Variants in TRPM3 observed in about 807,000 individuals in gnomAD.
The protein encoded by TRPM3 is transient receptor potential cation channel subfamily M member 3, also known as long transient receptor potential channel 3.
Under a neutral mutation model 181.2 loss-of-function variants are expected in TRPM3, and 77 were observed. The ratio of observed to expected loss-of-function variants is 0.42; its 90% CI spans 0.35 to 0.51. The LOEUF is 0.51. Ranked by LOEUF, TRPM3 falls within the 20% of genes least tolerant of loss-of-function variation. The pLI is 0.01. For missense variants in TRPM3, 1,759 were observed against 2,196.7 expected (o/e 0.80, Z 3.98); for synonymous variants, 745 against 796.4 (o/e 0.94, Z 1.09).
At chr9:70,771,011 G>C (rs1382339325) in intron 7 of TRPM3, among the ~76,000 whole-genome samples, 1 of 152,098 alleles carries the variant, frequency 6.6e-6, no homozygotes, top group Non-Finnish European at 1.5e-5. Context: ...CACTTAGCTG[G>C]GGTATCAGTG....
intron 1 of TRPM3, among the ~76,000 whole-genome samples, chr9:71,314,215 T>C (rs1046373317): frequency 6.6e-6 from 1 of 152,172 alleles, no homozygotes; most frequent in East Asian, 1.9e-4. Flanking sequence ...CTACTGGCCT[T>C]AAAGAGAACT....
intron 1 of TRPM3, among the ~76,000 whole-genome samples, chr9:70,943,866 G>A (rs117948676): frequency 8.8e-4 from 134 of 152,184 alleles, no homozygotes; most frequent in Non-Finnish European, 1.2e-3. Context: ...TGCAATCTCC[G>A]TCTCCCAGGT....
intron 1 of TRPM3, among the ~76,000 whole-genome samples, chr9:71,247,089 C>T (rs979456729): frequency 6.6e-6 from 1 of 152,122 alleles, no homozygotes; most frequent in Non-Finnish European, 1.5e-5. Context: ...TCTTGAACTC[C>T]TAACCTTAGG....
intron 1 of TRPM3, among the ~76,000 whole-genome samples, chr9:71,292,298 G>A (rs1462693962): frequency 6.6e-6 from 1 of 151,252 alleles, no homozygotes; most frequent in Non-Finnish European, 1.5e-5. Context: ...CAAGCTATCA[G>A]AAAAAAATAA....
intron 1 of TRPM3, among the ~76,000 whole-genome samples, chr9:70,917,804 A>G (rs1278645695): frequency 6.6e-6 from 1 of 152,042 alleles, no homozygotes; most frequent in Non-Finnish European, 1.5e-5. Context: ...ATCAATAACA[A>G]CAATGAATGT....
intron 1 of TRPM3, among the ~76,000 whole-genome samples, chr9:71,141,367 A>C (rs573138589): frequency 2.0e-5 from 3 of 152,308 alleles, no homozygotes; most frequent in African/African-American, 7.2e-5. Flanking sequence ...TAAAATTCAC[A>C]TGTAAGCTGG....
chr9:70,966,040 A>T (rs2097181867), intron 1 of TRPM3, among the ~76,000 whole-genome samples: 1 of 147,734 alleles, frequency 6.8e-6, no homozygotes, highest in African/African-American at 2.4e-5. Context: ...AAATTTACAA[A>T]AAAAAAAAAC....
chr9:70,886,223 G>C (rs1018230822), intron 1 of TRPM3, among the ~76,000 whole-genome samples: 1 of 152,010 alleles, frequency 6.6e-6, no homozygotes, highest in African/African-American at 2.4e-5. Context: ...CATGAGCCAT[G>C]GCTACTTTAG....
intron 1 of TRPM3, among the ~76,000 whole-genome samples, chr9:71,198,707 T>C (rs2078566808): frequency 6.6e-6 from 1 of 151,448 alleles, no homozygotes; most frequent in East Asian, 1.9e-4. Flanking sequence ...GCTTGTGATT[T>C]TTGTACATTG....
At chr9:71,411,463 A>G (rs1001722463) in intron 1 of TRPM3, among the ~76,000 whole-genome samples, 1 of 152,234 alleles carries the variant, frequency 6.6e-6, no homozygotes, top group Non-Finnish European at 1.5e-5. Context: ...CCAATAATTG[A>G]CAAAGAGAGC....
intron 1 of TRPM3, among the ~76,000 whole-genome samples, chr9:70,904,350 G>GAATT (rs2096432261): frequency 1.3e-5 from 2 of 152,192 alleles, no homozygotes; most frequent in Admixed American, 1.3e-4. Context: ...AGTCTTCTGT[G>GAATT]AAGTTACTTA....
chr9:70,939,758 C>T (rs2133535842), intron 1 of TRPM3, among the ~76,000 whole-genome samples: 1 of 152,296 alleles, frequency 6.6e-6, no homozygotes, highest in South Asian at 2.1e-4. Context: ...TCTTTGTTTA[C>T]TCATTCTCTA....
At chr9:71,393,626 G>A (rs956219677) in intron 1 of TRPM3, among the ~76,000 whole-genome samples, 7 of 152,142 alleles carry the variant, frequency 4.6e-5, no homozygotes, top group Non-Finnish European at 8.8e-5. Flanking sequence ...CTGAAGATGT[G>A]ACTTCACAGT....
At chr9:71,257,934 A>G (rs1268283555) in intron 1 of TRPM3, among the ~76,000 whole-genome samples, 5 of 152,122 alleles carry the variant, frequency 3.3e-5, no homozygotes, top group African/African-American at 1.2e-4. Flanking sequence ...GGGGGAACGG[A>G]GGTATTTGGT....
At chr9:71,427,388 T>C (rs149484949) in intron 1 of TRPM3, among the ~76,000 whole-genome samples, 3,327 of 152,204 alleles carry the variant, frequency 0.022, 50 homozygotes, top group Middle Eastern at 0.065. Flanking sequence ...TGGGACCCAG[T>C]AAGCTGTGGT....
intron 1 of TRPM3, among the ~76,000 whole-genome samples, chr9:70,969,096 T>A (rs1319291282): frequency 2.0e-5 from 3 of 151,908 alleles, no homozygotes; most frequent in Admixed American, 6.6e-5. Flanking sequence ...TGGGGGAAAA[T>A]TTTTGCAATC....
At chr9:70,870,879 T>G (rs773255277) in intron 1 of TRPM3, among the ~76,000 whole-genome samples, 1 of 152,016 alleles carries the variant, frequency 6.6e-6, no homozygotes, top group Non-Finnish European at 1.5e-5. Flanking sequence ...TTTCCATGTT[T>G]TCCAAAGTTT....
intron 1 of TRPM3, among the ~76,000 whole-genome samples, chr9:71,070,488 C>T (rs2062609605): frequency 6.6e-6 from 1 of 151,996 alleles, no homozygotes; most frequent in Non-Finnish European, 1.5e-5. Flanking sequence ...TTCTCTTGGG[C>T]CAGATTTCTT....
chr9:71,209,445 T>C (rs1237106339), intron 1 of TRPM3, among the ~76,000 whole-genome samples: 1 of 151,832 alleles, frequency 6.6e-6, no homozygotes, highest in Non-Finnish European at 1.5e-5. Flanking sequence ...CTCTATCAAA[T>C]TAATTGGACC....
Sources: gnomAD v4.1 joint callset for allele counts (sites outside exome capture counted in the v4.1 genomes callset) on GRCh38, gnomAD v4.1.1 for gene constraint, MANE v1.5 for transcripts, NCBI Gene and HGNC (gene_info 2026-07-23, HGNC 2026-07-21) for gene names.